The following DLG2 variants were observed in gnomAD, a reference collection of about 807,000 sequenced individuals.
DLG2 encodes the protein discs large MAGUK scaffold protein 2, also known as disks large homolog 2.
A neutral mutation model predicts 132.5 loss-of-function variants in DLG2; 45 were observed. That is an observed-to-expected ratio of 0.34 (90% CI 0.27 to 0.44). DLG2 has a LOEUF of 0.44. Ranked by LOEUF, DLG2 falls within the 20% of genes least tolerant of loss-of-function variation. The probability of loss-of-function intolerance (pLI) is 1.00; values close to 1 mark genes in which losing one functional copy is unlikely to be tolerated. For missense variants in DLG2, 1,045 were observed against 1,196.9 expected (o/e 0.87, Z 1.87); for synonymous variants, 424 against 419.6 (o/e 1.01, Z -0.13).
At chr11:85,299,905 A>T (rs529998563) in intron 3 of DLG2, among the ~76,000 whole-genome samples, 21 of 152,346 alleles carry the variant, frequency 1.4e-4, no homozygotes, top group African/African-American at 4.8e-4. Context: ...GATTTATAAA[A>T]CTATAACACA....
chr11:85,464,724 C>A (rs938473639), intron 3 of DLG2, among the ~76,000 whole-genome samples: 1 of 151,726 alleles, frequency 6.6e-6, no homozygotes, highest in African/African-American at 2.4e-5. Context: ...AATGTTGTGG[C>A]CTTTCATTAG....
At chr11:85,377,562 C>T (rs2085501434) in intron 3 of DLG2, among the ~76,000 whole-genome samples, 1 of 151,938 alleles carries the variant, frequency 6.6e-6, no homozygotes, top group South Asian at 2.1e-4. Context: ...TTATATATGA[C>T]TCTGTTGTAT....
At chr11:84,764,666 T>C (rs1342621102) in intron 6 of DLG2, among the ~76,000 whole-genome samples, 1 of 152,124 alleles carries the variant, frequency 6.6e-6, no homozygotes, top group Non-Finnish European at 1.5e-5. Context: ...TAGAAGAGCA[T>C]ATATATGGTA....
chr11:84,189,374 G>A (rs2096355911), intron 8 of DLG2, among the ~76,000 whole-genome samples: 1 of 152,192 alleles, frequency 6.6e-6, no homozygotes, highest in African/African-American at 2.4e-5. Flanking sequence ...TTACACTATT[G>A]GTGGGAGTGT....
intron 3 of DLG2, among the ~76,000 whole-genome samples, chr11:85,596,102 A>G (rs1376756734): frequency 6.6e-6 from 1 of 152,148 alleles, no homozygotes; most frequent in African/African-American, 2.4e-5. Context: ...AGAATTGAAA[A>G]ATAAGGGTCA....
intron 18 of DLG2, among the ~76,000 whole-genome samples, chr11:83,646,349 A>G (rs530393387): frequency 7.3e-6 from 1 of 137,290 alleles, no homozygotes; most frequent in South Asian, 2.1e-4. Flanking sequence ...AGGCTTTCAG[A>G]TATGAAACAG....
At chr11:85,471,243 C>T (rs1224245866) in intron 3 of DLG2, among the ~76,000 whole-genome samples, 1 of 152,068 alleles carries the variant, frequency 6.6e-6, no homozygotes, top group Non-Finnish European at 1.5e-5. Flanking sequence ...AGAAATAATA[C>T]CTTTGATCTC....
chr11:85,491,457 T>A lies in DLG2; in HGVS notation c.40+107200A>T, dbSNP rs377692547. On this transcript the variant is annotated intron_variant, in intron 3 of 27. Coordinates refer to ENST00000376104, the MANE Select transcript of DLG2 (RefSeq NM_001142699.3). Reference sequence around the variant, plus strand: ...GAGAAAGAAATAGTCACCCAAATTGTAAAGAAAAAAGTTAAATTGTCCCTG... The same window carrying A: ...GAGAAAGAAATAGTCACCCAAATTGAAAAGAAAAAAGTTAAATTGTCCCTG... 1.1e-4 allele frequency among the ~76,000 whole-genome samples: 16 copies of A among 152,156 alleles called. No homozygotes were observed. In the South Asian group the frequency reaches 3.3e-3, roughly 32 times the overall value.
chr11:83,791,792 C>A (rs1413348692), intron 17 of DLG2, among the ~76,000 whole-genome samples: 1 of 152,184 alleles, frequency 6.6e-6, no homozygotes, highest in African/African-American at 2.4e-5. Context: ...GCTACGCTTC[C>A]TCTCCCAGGA....
intron 7 of DLG2, among the ~76,000 whole-genome samples, chr11:84,473,907 T>G (rs2099114924): frequency 6.6e-6 from 1 of 152,050 alleles, no homozygotes; most frequent in South Asian, 2.1e-4. Flanking sequence ...TATTAATCTT[T>G]ATATCTAGGT....
At chr11:84,468,378 T>G (rs1372912432) in intron 7 of DLG2, among the ~76,000 whole-genome samples, 23 of 151,386 alleles carry the variant, frequency 1.5e-4, no homozygotes, top group Admixed American at 9.9e-4. Context: ...TTTCCCACTC[T>G]CTGTTCTAGT....
At chr11:84,740,443 C>T (rs1257185475) in intron 6 of DLG2, among the ~76,000 whole-genome samples, 1 of 152,186 alleles carries the variant, frequency 6.6e-6, no homozygotes, top group Non-Finnish European at 1.5e-5. Flanking sequence ...GAAATTCATG[C>T]AGCTGTATTG....
At chr11:85,295,767 A>C (rs910538668) in intron 3 of DLG2, among the ~76,000 whole-genome samples, 12 of 152,152 alleles carry the variant, frequency 7.9e-5, no homozygotes, top group Non-Finnish European at 1.6e-4. Context: ...AACTCTCAAA[A>C]ACTTTCCAGG....
chr11:85,015,082 G>A (rs75308761), intron 6 of DLG2, among the ~76,000 whole-genome samples: 2,102 of 152,226 alleles, frequency 0.014, 48 homozygotes, highest in African/African-American at 0.047. Flanking sequence ...ATTGAAGGCA[G>A]CTAAGTCACC....
intron 4 of DLG2, among the ~76,000 whole-genome samples, chr11:85,264,915 G>T (rs1311256483): frequency 2.6e-5 from 4 of 152,094 alleles, no homozygotes; most frequent in Non-Finnish European, 4.4e-5. Context: ...ATTACGTAAG[G>T]TTCTTATTAA....
chr11:83,500,181 T>C (rs1340487005), intron 21 of DLG2, among the ~76,000 whole-genome samples: 1 of 151,816 alleles, frequency 6.6e-6, no homozygotes, highest in Non-Finnish European at 1.5e-5. Flanking sequence ...GGTTCTTTAG[T>C]ATTGTAGCTC....
chr11:84,777,026 T>G (rs931920316), intron 6 of DLG2, among the ~76,000 whole-genome samples: 3 of 151,906 alleles, frequency 2.0e-5, no homozygotes, highest in Non-Finnish European at 4.4e-5. Context: ...TTAAGTAATT[T>G]CTTATCATCC....
chr11:83,626,599 C>T (rs1313764484), intron 19 of DLG2, among the ~76,000 whole-genome samples: 1 of 152,098 alleles, frequency 6.6e-6, no homozygotes, highest in Non-Finnish European at 1.5e-5. Flanking sequence ...CTTTGAGTAA[C>T]ATATAGACTT....
At chr11:84,498,341 T>C (rs1405102064) in intron 7 of DLG2, among the ~76,000 whole-genome samples, 2 of 152,140 alleles carry the variant, frequency 1.3e-5, no homozygotes, top group Admixed American at 6.6e-5. Flanking sequence ...GGGAGCTGAC[T>C]GGATGCCAGG....
Sources: allele counts gnomAD v4.1 joint callset (sites outside exome capture counted in the v4.1 genomes callset), GRCh38; gene constraint gnomAD v4.1.1; transcripts MANE v1.5; gene names NCBI Gene and HGNC (gene_info 2026-07-23, HGNC 2026-07-21).